Variants in AXDND1 observed in about 807,000 individuals in gnomAD.
AXDND1 encodes the protein axonemal dynein light chain domain-containing protein 1.
Under a neutral mutation model 137.5 loss-of-function variants are expected in AXDND1, and 110 were observed. The ratio of observed to expected loss-of-function variants is 0.80; its 90% CI spans 0.69 to 0.94. The LOEUF (loss-of-function observed/expected upper bound fraction) is 0.94, where lower values mean the gene tolerates loss of function less well. Among genes scored for constraint, AXDND1 ranks in the 40% least tolerant of loss-of-function variants. The pLI, the probability that AXDND1 is intolerant of heterozygous loss-of-function variation, is 0.00. For synonymous variants in AXDND1, 414 were observed against 399.7 expected, an observed-to-expected ratio of 1.04 and a Z score of -0.43; for missense variants, 1,191 against 1,169.8, an observed-to-expected ratio of 1.02 and a Z score of -0.26.
At chr1:179,507,611 A>T (rs4111171) in intron 20 of AXDND1, among the ~76,000 whole-genome samples, 1 of 152,068 alleles carries the variant, frequency 6.6e-6, no homozygotes, top group African/African-American at 2.4e-5. Context: ...GTGATAACAT[A>T]CTGAATTGAT....
intron 9 of AXDND1, among the ~76,000 whole-genome samples, chr1:179,393,638 A>G (rs902999619): frequency 1.3e-5 from 2 of 152,096 alleles, no homozygotes; most frequent in African/African-American, 2.4e-5. Context: ...GTCACATGCA[A>G]TGTTTTTTCA....
intron 23 of AXDND1, among the ~76,000 whole-genome samples, 159 bp downstream of exon 23, chr1:179,528,590 C>T (rs12724901): frequency 0.2 from 29,646 of 150,940 alleles, 3,087 homozygotes; most frequent in Non-Finnish European, 0.23. Flanking sequence ...CTGGAAAACT[C>T]CTTTTTTCAC....
intron 24 of AXDND1, chr1:179,534,488 A>T: frequency 8.4e-6 from 3 of 355,714 alleles, no homozygotes; most frequent in Non-Finnish European, 1.5e-5. Flanking sequence ...ACCCCAAATC[A>T]GATTTTACTA....
At chr1:179,413,102 A>G (rs1452332977) in intron 12 of AXDND1, among the ~76,000 whole-genome samples, 2 of 152,188 alleles carry the variant, frequency 1.3e-5, no homozygotes, top group Non-Finnish European at 2.9e-5. Context: ...TTGAAGTACA[A>G]TTGATATACA....
chr1:179,397,080 A>G (rs1046275367), intron 11 of AXDND1, among the ~76,000 whole-genome samples: 1 of 152,280 alleles, frequency 6.6e-6, no homozygotes, highest in South Asian at 2.1e-4. Context: ...TCATAGTGTC[A>G]CTGGTCTGTG....
chr1:179,448,634 T>C, intron 16 of AXDND1: 2 of 245,738 alleles, frequency 8.1e-6, no homozygotes, highest in Non-Finnish European at 1.6e-5. Context: ...CCGCCAGCGC[T>C]CCGCACTGCC....
intron 15 of AXDND1, among the ~76,000 whole-genome samples, chr1:179,436,082 G>A (rs1335396285): frequency 1.3e-5 from 2 of 151,236 alleles, no homozygotes; most frequent in Admixed American, 6.6e-5. Flanking sequence ...CAACAAACAT[G>A]AAGAAAAAAA....
At chr1:179,484,908 C>T (rs1665854209) in intron 18 of AXDND1, among the ~76,000 whole-genome samples, 1 of 152,296 alleles carries the variant, frequency 6.6e-6, no homozygotes, top group East Asian at 1.9e-4. Context: ...ACAGAGACTG[C>T]TAACCTTGTG....
intron 21 of AXDND1, among the ~76,000 whole-genome samples, 161 bp downstream of exon 21, chr1:179,509,564 C>T (rs552753603): frequency 1.4e-4 from 21 of 152,250 alleles, no homozygotes; most frequent in African/African-American, 4.1e-4. Context: ...CTCTTCTTCC[C>T]TCTAAGGAAT....
Position 179,447,135 on chromosome 1 carries a change from C to G in AXDND1, c.1798+1931C>G, listed in dbSNP as rs144838549. Among the ~76,000 whole-genome samples the G allele has an allele frequency of 6.8e-4, 104 of 152,272 alleles. 1 individual carries two copies. The East Asian group carries it at 0.018, about 26-fold the overall frequency. ...TGTTGCTAACTATAGTCACCCTTCT[C>G]TCCTATTGAATACAGGGGTATATTT... On this transcript the variant is annotated intron_variant, in intron 16 of 25. Transcript: ENST00000367618.
chr1:179,367,075 G>T (rs1320699593), intron 2 of AXDND1, among the ~76,000 whole-genome samples: 2 of 152,038 alleles, frequency 1.3e-5, no homozygotes, highest in African/African-American at 4.8e-5. Context: ...ACAAAAATTA[G>T]CCGGGCATGG....
chr1:179,484,881 T>C (rs1665850502), intron 18 of AXDND1, among the ~76,000 whole-genome samples: 1 of 152,172 alleles, frequency 6.6e-6, no homozygotes, highest in African/African-American at 2.4e-5. Flanking sequence ...GCCATTGCCA[T>C]TGGAGTGTTC....
At chr1:179,444,275 A>T (rs367920107) in intron 15 of AXDND1, among the ~76,000 whole-genome samples, 1 of 152,070 alleles carries the variant, frequency 6.6e-6, no homozygotes, top group East Asian at 1.9e-4. Context: ...AGATGTGGAA[A>T]TCGAAGCCTA....
intron 2 of AXDND1, among the ~76,000 whole-genome samples, chr1:179,366,914 G>A (rs1374663804): frequency 6.6e-6 from 1 of 152,096 alleles, no homozygotes; most frequent in Non-Finnish European, 1.5e-5. Context: ...TGGCTTTAAG[G>A]AACTTTGGAA....
chr1:179,377,768 C>T (rs1647523392), intron 4 of AXDND1, among the ~76,000 whole-genome samples: 1 of 152,132 alleles, frequency 6.6e-6, no homozygotes, highest in Admixed American at 6.5e-5. Context: ...AAAATAGTTT[C>T]AGAAGAGAGG....
At chr1:179,526,084 A>G (rs1042911874) in intron 22 of AXDND1, among the ~76,000 whole-genome samples, 2 of 151,758 alleles carry the variant, frequency 1.3e-5, no homozygotes, top group African/African-American at 4.8e-5. Flanking sequence ...TTAGCCCTTC[A>G]TTGCCACATT....
chr1:179,419,062 G>A (rs887072164), intron 12 of AXDND1, among the ~76,000 whole-genome samples: 3 of 151,642 alleles, frequency 2.0e-5, no homozygotes, highest in African/African-American at 4.9e-5. Flanking sequence ...ATGGGATGGC[G>A]GCGGGGAAGA....
intron 16 of AXDND1, chr1:179,449,621 T>C (rs7524713): frequency 4.5e-4 from 68 of 152,362 alleles, no homozygotes; most frequent in African/African-American, 1.5e-3. Context: ...ATCTTAACAA[T>C]GTTAAGTCTT....
Position 179,457,126 on chromosome 1 carries a change from T to C in AXDND1, c.1799-11317T>C. On this transcript the variant is annotated intron_variant, in intron 16 of 25. Transcript: ENST00000367618. ...CCTTTTGTGGCCTTGCATTCATGGC[T>C]GCATCCACCTTCTCCGCAGTGGCAT... 3 of 996,958 alleles carry C rather than the reference T, an allele frequency of 3.0e-6. No homozygotes were observed. The Admixed American group carries it at 5.1e-5, about 17-fold the overall frequency. The allele number at this position is 996,958 out of a possible 1,614,324, so 61.8% of individuals were successfully genotyped here. A position where few individuals can be genotyped will look rare whatever the true frequency, so the allele number is the denominator to read the frequency against.
Sources: allele counts gnomAD v4.1 joint callset (sites outside exome capture counted in the v4.1 genomes callset), GRCh38; gene constraint gnomAD v4.1.1; transcripts MANE v1.5; gene names NCBI Gene and HGNC (gene_info 2026-07-23, HGNC 2026-07-21).